The following ZNF148 variants were observed in gnomAD, a reference collection of about 807,000 sequenced individuals.
The protein encoded by ZNF148 is zinc finger protein 148.
A neutral mutation model predicts 67.7 loss-of-function variants in ZNF148; 7 were observed. The observed-to-expected ratio is 0.10, with a 90% confidence interval of 0.06 to 0.19. The LOEUF (loss-of-function observed/expected upper bound fraction) is 0.19. ZNF148 is among the 10% of genes least tolerant of loss of function. The pLI, the probability that ZNF148 is intolerant of heterozygous loss-of-function variation, is 1.00. For missense variants in ZNF148, 583 were observed against 947.1 expected, an observed-to-expected ratio of 0.62 and a Z score of 5.05; for synonymous variants, 333 against 330.7, an observed-to-expected ratio of 1.01 and a Z score of -0.08.
chr3:125,349,819 T>C (rs1360554153), intron 1 of ZNF148, among the ~76,000 whole-genome samples: 1 of 152,188 alleles, frequency 6.6e-6, no homozygotes, highest in South Asian at 2.1e-4. Context: ...ACAGCTCAGA[T>C]GACAGAGCCA....
chr3:125,364,507 A>G (rs548980486), intron 1 of ZNF148, among the ~76,000 whole-genome samples: 1 of 152,390 alleles, frequency 6.6e-6, no homozygotes, highest in East Asian at 1.9e-4. Context: ...CAATGAAAAA[A>G]GAATAAACAG....
intron 7 of ZNF148, among the ~76,000 whole-genome samples, chr3:125,256,888 T>C (rs921612006): frequency 2.6e-5 from 4 of 152,138 alleles, no homozygotes; most frequent in African/African-American, 9.7e-5. Flanking sequence ...TCTTCTCTTT[T>C]GTTGTCTCTA....
chr3:125,299,595 C>G (rs1316821372), intron 4 of ZNF148, among the ~76,000 whole-genome samples: 2 of 152,194 alleles, frequency 1.3e-5, no homozygotes, highest in African/African-American at 4.8e-5. Flanking sequence ...AGGATATAAA[C>G]TGGGTCAAAC....
intron 4 of ZNF148, chr3:125,292,928 G>A (rs1939091258): frequency 6.6e-6 from 1 of 152,138 alleles, no homozygotes; most frequent in Non-Finnish European, 1.5e-5. Context: ...CCACAGATAT[G>A]CATTATATCC....
At chr3:125,253,418 T>C (rs1936931424) in intron 7 of ZNF148, among the ~76,000 whole-genome samples, 1 of 152,196 alleles carries the variant, frequency 6.6e-6, no homozygotes, top group Non-Finnish European at 1.5e-5. Flanking sequence ...TGAGTGATAG[T>C]TTCCTTCTTT....
At chr3:125,357,974 T>C (rs1479088691) in intron 1 of ZNF148, among the ~76,000 whole-genome samples, 1 of 152,182 alleles carries the variant, frequency 6.6e-6, no homozygotes, top group Non-Finnish European at 1.5e-5. Context: ...AAATCTTCTC[T>C]AAACCATCTT....
At chr3:125,252,623 CT>C (rs1385761311) in intron 7 of ZNF148, among the ~76,000 whole-genome samples, 1 of 152,034 alleles carries the variant, frequency 6.6e-6, no homozygotes, top group Admixed American at 6.6e-5. Context: ...CAAAAATTAG[CT>C]GGGGGTGGTG....
intron 7 of ZNF148, among the ~76,000 whole-genome samples, chr3:125,253,046 T>C (rs757050767): frequency 1.1e-4 from 16 of 152,178 alleles, no homozygotes; most frequent in Non-Finnish European, 2.1e-4. Context: ...CTCTGACACA[T>C]ACGCATCTGC....
At chr3:125,288,518 T>A (rs1938830783) in intron 4 of ZNF148, among the ~76,000 whole-genome samples, 1 of 151,068 alleles carries the variant, frequency 6.6e-6, no homozygotes. Context: ...CAAGCAGAAG[T>A]CAGGAAATCG....
At chr3:125,310,669 A>C (rs1234674755) in intron 4 of ZNF148, among the ~76,000 whole-genome samples, 2 of 152,174 alleles carry the variant, frequency 1.3e-5, no homozygotes, top group Non-Finnish European at 2.9e-5. Context: ...AGAAAATCAA[A>C]AGCTGTTTCT....
intron 1 of ZNF148, among the ~76,000 whole-genome samples, chr3:125,364,312 T>C (rs998887355): frequency 2.0e-5 from 3 of 152,014 alleles, no homozygotes; most frequent in African/African-American, 7.3e-5. Context: ...GGTAGGAGAA[T>C]AGCTTGAACC....
At chr3:125,256,418 C>G (rs370084220) in intron 7 of ZNF148, among the ~76,000 whole-genome samples, 7 of 148,634 alleles carry the variant, frequency 4.7e-5, no homozygotes, top group Non-Finnish European at 8.9e-5. Context: ...GGCTCATGCC[C>G]GTAATCCCAG....
chr3:125,232,056 G>T lies in ZNF148; in HGVS notation c.*285C>A. The T allele has an allele frequency of 3.3e-6, 1 of 300,258 alleles. No individual in the cohort carries two copies. Among genetic ancestry groups the T allele is most frequent in the Non-Finnish European group, 6.2e-6 (1 of 162,082 alleles). The allele number at this position is 300,258 out of a possible 1,614,324, so 18.6% of individuals were successfully genotyped here. A position where few individuals can be genotyped will look rare whatever the true frequency, so the allele number is the denominator to read the frequency against. ...TCAGTTAGGAAACAATTGTGCGAAAGTCTTTTTTTTTTCCTTTTTAACTTG... is the reference window on the plus strand; with the variant it reads ...TCAGTTAGGAAACAATTGTGCGAAATTCTTTTTTTTTTCCTTTTTAACTTG... On this transcript the variant is annotated 3_prime_UTR_variant, in exon 9 of 9. Transcript: ENST00000360647. This position sits in a 1 kb window ranked among gnomAD's most constrained non-coding sequence, Gnocchi z 4.2.
Position 125,233,942 on chromosome 3 carries a change from G to A in ZNF148, c.787-3C>T, listed in dbSNP as rs771663801. 6.3e-7 allele frequency: 1 copy of A among 1,584,462 alleles called. No homozygotes were observed. The highest frequency in any genetic ancestry group is 1.2e-5 in the South Asian group (1 of 85,350). The stretch of plus-strand genomic sequence containing the variant: ...ACACGATCTGTTCTGGAAAAATACT[G>A]TTGAATTCAGAGGATGGTAGTGGGT... On this transcript the variant is annotated splice_region_variant and splice_polypyrimidine_tract_variant and intron_variant, in intron 8 of 8. Transcript: ENST00000360647. This position sits in a 1 kb window ranked among gnomAD's most constrained non-coding sequence, Gnocchi z 5.1.
chr3:125,247,098 C>A (rs1356221014), intron 7 of ZNF148, among the ~76,000 whole-genome samples: 1 of 152,194 alleles, frequency 6.6e-6, no homozygotes, highest in African/African-American at 2.4e-5. Flanking sequence ...AAAAAACTCA[C>A]AGGCATTATG....
chr3:125,285,221 A>T (rs1344135130), intron 5 of ZNF148, among the ~76,000 whole-genome samples: 1 of 152,214 alleles, frequency 6.6e-6, no homozygotes, highest in Non-Finnish European at 1.5e-5. Context: ...AATAAATCAT[A>T]ATTCTTTGAG....
chr3:125,330,465 C>CAAAAAA lies in ZNF148; in HGVS notation c.-153+687_-153+692dup, dbSNP rs200643048. On this transcript the variant is annotated intron_variant, in intron 2 of 8. Coordinates refer to ENST00000360647, the MANE Select transcript of ZNF148 (RefSeq NM_021964.3). Reference sequence around the variant, plus strand: ...TGGGCAACAGGGCAAAACCCTATCTCAAAAAAAAAAAAAAAAAAAAAAAAA... The same window carrying CAAAAAA: ...TGGGCAACAGGGCAAAACCCTATCTCAAAAAAAAAAAAAAAAAAAAAAAAAAAAAAA... Among the ~76,000 whole-genome samples, 1,165 of 118,184 alleles carry CAAAAAA rather than the reference C, an allele frequency of 9.9e-3. 29 individuals are homozygous for CAAAAAA. Among genetic ancestry groups the CAAAAAA allele is most frequent in the African/African-American group, 0.045 (1,088 of 24,018 alleles). 77.5% of individuals were successfully genotyped at this position (118,184 alleles called of 152,430 possible).
chr3:125,288,196 A>C lies in ZNF148; in HGVS notation c.366T>G (p.Asp122Glu). The change falls in exon 5 of 9, where the codon GAT (aspartate) becomes GAG (glutamate). Residue 122 changes from aspartate (D) to glutamate (E), a missense_variant. Physicochemically the swap from Asp to Glu is conservative, Grantham distance 45. This residue lies in a region of ZNF148 where 150 missense variants were observed against 202.5 expected (regional missense o/e 0.74). Coordinates refer to ENST00000360647, the MANE Select transcript of ZNF148 (RefSeq NM_021964.3). ...ISVKQEITFT[D>E]VSEQLMRDKK... is the part of the protein sequence containing the mutation. ...TGTCTCTCATCAGTTGCTCAGATAC[A>C]TCAGTAAAAGTAATTTCCTGCTTTA... 1.2e-6 allele frequency: 2 copies of C among 1,613,676 alleles called. No homozygotes were observed. Among genetic ancestry groups the C allele is most frequent in the Non-Finnish European group, 1.7e-6 (2 of 1,179,816 alleles).
chr3:125,353,553 T>C (rs1044869575), intron 1 of ZNF148, among the ~76,000 whole-genome samples: 1 of 152,152 alleles, frequency 6.6e-6, no homozygotes, highest in Non-Finnish European at 1.5e-5. Context: ...GGGTGAAGGG[T>C]ACACAGGACT....
Sources: gnomAD v4.1 joint callset for allele counts (sites outside exome capture counted in the v4.1 genomes callset) on GRCh38, gnomAD v4.1.1 for gene constraint, gnomAD v4.1.1 regional missense constraint, Gnocchi (gnomAD v3.1) non-coding constraint, MANE v1.5 for transcripts, NCBI Gene and HGNC (gene_info 2026-07-23, HGNC 2026-07-21) for gene names.